Variants in SMC1B observed in about 807,000 individuals in gnomAD.
SMC1B encodes the protein structural maintenance of chromosomes 1B, also known as structural maintenance of chromosomes protein 1B.
In SMC1B, 60 loss-of-function variants were observed where a neutral mutation model predicts 157.9. The ratio of observed to expected loss-of-function variants is 0.38; its 90% CI spans 0.31 to 0.47. SMC1B has a LOEUF of 0.47. Ranked by LOEUF, SMC1B falls within the 20% of genes least tolerant of loss-of-function variation. The pLI, the probability that SMC1B is intolerant of heterozygous loss-of-function variation, is 0.99. For missense variants in SMC1B, 1,165 were observed against 1,426.2 expected (o/e 0.82, Z 2.95); for synonymous variants, 445 against 483.0 (o/e 0.92, Z 1.03).
intron 6 of SMC1B, 27 bp downstream of exon 6, chr22:45,399,068 G>C: frequency 1.3e-6 from 2 of 1,583,622 alleles, no homozygotes; most frequent in Non-Finnish European, 1.7e-6. Flanking sequence ...AGAAACACAA[G>C]ATTTCCCCTA....
chr22:45,359,429 C>A (rs140470108), intron 18 of SMC1B, among the ~76,000 whole-genome samples: 1 of 152,196 alleles, frequency 6.6e-6, no homozygotes, highest in Non-Finnish European at 1.5e-5. Context: ...CAGTAGGGCA[C>A]GTTTCTTCTG....
At chr22:45,389,647 T>C (rs2087033924) in intron 10 of SMC1B, 65 bp downstream of exon 10, 1 of 1,430,632 alleles carries the variant, frequency 7.0e-7, no homozygotes, top group South Asian at 1.3e-5. Context: ...TTTTAGGCAA[T>C]AAGATCATTC....
In SMC1B at chr22:45,354,253, C is replaced by G. The variant is rs548702717; in HGVS notation, c.3119-121G>C. 1.5e-4 allele frequency: 101 copies of G among 676,572 alleles called. No individual in the cohort carries two copies. The South Asian group carries it at 2.8e-3, about 19-fold the overall frequency. 41.9% of individuals were successfully genotyped at this position (676,572 alleles called of 1,614,324 possible). A position where few individuals can be genotyped will look rare whatever the true frequency, so the allele number is the denominator to read the frequency against. Reference sequence around the variant, plus strand: ...GTTTGGATCTCTTGAGTAAAGGTACCTTCAAAATACCTAAACTATTATTAA... The same window carrying G: ...GTTTGGATCTCTTGAGTAAAGGTACGTTCAAAATACCTAAACTATTATTAA... On this transcript the variant is annotated intron_variant, in intron 20 of 24. Transcript: ENST00000357450.
At chr22:45,369,157 C>T (rs1181452463) in intron 15 of SMC1B, among the ~76,000 whole-genome samples, 2 of 151,908 alleles carry the variant, frequency 1.3e-5, no homozygotes, top group Non-Finnish European at 2.9e-5. Flanking sequence ...AGTGCAGTGG[C>T]ACGATCTCGG....
Position 45,345,476 on chromosome 22 carries a change from T to A in SMC1B, c.3589A>T (p.Ile1197Phe). ...GTCTTTACCTCAGGATAGATGCCGA[T>A]CAGCGCGTCGGCTCTGGAATAGAAC... ...EEFYSRADALIGIYPEYDDCM... is the reference protein window; with the variant it reads ...EEFYSRADALFGIYPEYDDCM... Residue 1197 changes from isoleucine to phenylalanine, a missense_variant, in exon 24 of 25, where the codon ATC becomes TTC. Ile to Phe is a conservative substitution (Grantham distance 21). Transcript: ENST00000357450. 1 of 1,612,392 alleles carries A rather than the reference T, an allele frequency of 6.2e-7. No homozygotes were observed. The highest frequency in any genetic ancestry group is 8.5e-7 in the Non-Finnish European group (1 of 1,178,510).
intron 12 of SMC1B, among the ~76,000 whole-genome samples, chr22:45,374,166 T>C (rs1327589319): frequency 3.6e-5 from 5 of 138,390 alleles, no homozygotes; most frequent in East Asian, 2.2e-4. Context: ...TCTTGTGTAG[T>C]AAATTTAGTC....
chr22:45,348,074 C>G (rs2086570111), intron 23 of SMC1B, among the ~76,000 whole-genome samples: 1 of 152,206 alleles, frequency 6.6e-6, no homozygotes, highest in Admixed American at 6.5e-5. Flanking sequence ...TAGTCACTGT[C>G]AATTTGTTTG....
rs1273986100 is a variant in SMC1B, at chr22:45,361,902, G to C, written c.2645C>G (p.Ser882Cys). The change falls in exon 17 of 25, where the codon TCC becomes TGC. Residue 882 changes from serine (S) to cysteine (C), a missense_variant. Transcript: ENST00000357450. Reference protein sequence around the residue: ...QLKDIRVTQNSSAEKVQTQIE... With the variant: ...QLKDIRVTQNCSAEKVQTQIE... ...TTGAGTTTGAACTTTCTCGGCACTG[G>C]AGTTCTGAGTGACACGTATGTCCTT... The C allele has an allele frequency of 6.2e-7, 1 of 1,614,102 alleles. No individual in the cohort carries two copies. Among genetic ancestry groups the C allele is most frequent in the African/African-American group, 1.3e-5 (1 of 75,044 alleles).
At chr22:45,393,965 T>TAA in intron 8 of SMC1B, 124 bp from the exon 9 acceptor site, 2 of 645,796 alleles carry the variant, frequency 3.1e-6, no homozygotes, top group Non-Finnish European at 5.2e-6. Flanking sequence ...TTTTAAAGGG[T>TAA]AAAAAATGCA....
In SMC1B at chr22:45,383,606, GCTA is replaced by G. The variant is rs1363159888; in HGVS notation, c.1916_1918del (p.Val639del). 8.8e-6 allele frequency: 14 copies of G among 1,586,716 alleles called. No individual in the cohort carries two copies. The highest frequency in any genetic ancestry group is 9.4e-6 in the Non-Finnish European group (11 of 1,172,662). ...TTTTAAAAATAATGTTCCATCAAGAGCTACTGTCTGTAAAAGTAAAAATATTTT... is the reference window on the plus strand; with the variant it reads ...TTTTAAAAATAATGTTCCATCAAGAGCTGTCTGTAAAAGTAAAAATATTTT... On this transcript the variant is annotated inframe_deletion, in exon 12 of 25. Coordinates refer to ENST00000357450, the MANE Select transcript of SMC1B (RefSeq NM_148674.5).
rs57897383 is a variant in SMC1B at position 45,353,910 on chromosome 22, A to AC, written c.3273+67_3273+68insG. 608 of 696,950 alleles carry AC rather than the reference A, an allele frequency of 8.7e-4. 1 individual carries two copies. The African/African-American group carries it at 9.6e-3, about 11-fold the overall frequency. The allele number at this position is 696,950 out of a possible 1,614,324, so 43.2% of individuals were successfully genotyped here. A position where few individuals can be genotyped will look rare whatever the true frequency, so the allele number is the denominator to read the frequency against. ...TTTCCCACCAAAAAAAAAAAAAAAAAAAAAAAAAAACAACCACCACCGGTA... is the reference window on the plus strand; with the variant it reads ...TTTCCCACCAAAAAAAAAAAAAAAAACAAAAAAAAAACAACCACCACCGGTA... On this transcript the variant is annotated intron_variant, in intron 21 of 24. Transcript: ENST00000357450.
chr22:45,392,997 G>C (rs2087079536), intron 9 of SMC1B, among the ~76,000 whole-genome samples: 3 of 152,236 alleles, frequency 2.0e-5, no homozygotes, highest in South Asian at 4.1e-4. Context: ...CACTGCCCTG[G>C]CCGGTAGGTG....
intron 4 of SMC1B, among the ~76,000 whole-genome samples, chr22:45,404,099 G>A (rs1485534903): frequency 1.3e-5 from 2 of 152,078 alleles, no homozygotes; most frequent in Non-Finnish European, 2.9e-5. Context: ...GTGCCACCAC[G>A]CCCAGCTAAT....
chr22:45,406,114 C>A (rs563487611), intron 4 of SMC1B, among the ~76,000 whole-genome samples: 1 of 152,098 alleles, frequency 6.6e-6, no homozygotes. Flanking sequence ...ATAGATATAA[C>A]CCATATGAAC....
At chr22:45,393,947 C>G (rs1452011352) in intron 8 of SMC1B, 106 bp from the exon 9 acceptor site, 2 of 715,882 alleles carry the variant, frequency 2.8e-6, no homozygotes. Flanking sequence ...GAGCAGTGCT[C>G]TATCAATTTT....
At chr22:45,353,941 G>GAATTCTCA (rs2086643435) in intron 21 of SMC1B, 37 bp downstream of exon 21, 1 of 480,564 alleles carries the variant, frequency 2.1e-6, no homozygotes, top group African/African-American at 2.9e-5. Context: ...CGGTAACACA[G>GAATTCTCA]AATTCTCACT....
At position 45,397,914 on chromosome 22, in the gene SMC1B, C is replaced by T. The variant is rs186997567; in HGVS notation, c.1113+1181G>A. Among the ~76,000 whole-genome samples the T allele has an allele frequency of 5.5e-3, 830 of 152,272 alleles. 6 individuals carry two copies. Among genetic ancestry groups the T allele is most frequent in the African/African-American group, 0.019 (787 of 41,552 alleles). ...CTTCGATTGCCAGTGTAGCTTCATT[C>T]TTCTTAGACACAGGACAAGAACTGA... On this transcript the variant is annotated intron_variant, in intron 6 of 24. Transcript: ENST00000357450.
intron 2 of SMC1B, among the ~76,000 whole-genome samples, 191 bp downstream of exon 2, chr22:45,408,519 A>C (rs1329637684): frequency 6.6e-6 from 1 of 152,206 alleles, no homozygotes; most frequent in African/African-American, 2.4e-5. Context: ...AAAAGCAGAC[A>C]TAATTGGAGA....
intron 22 of SMC1B, among the ~76,000 whole-genome samples, chr22:45,350,383 T>C (rs1394258169): frequency 6.6e-6 from 1 of 152,284 alleles, no homozygotes; most frequent in Non-Finnish European, 1.5e-5. Flanking sequence ...GTTCAAGTGA[T>C]TCTCCTGCCT....
Sources: gnomAD v4.1 joint callset for allele counts (sites outside exome capture counted in the v4.1 genomes callset) on GRCh38, gnomAD v4.1.1 for gene constraint, MANE v1.5 for transcripts, NCBI Gene and HGNC (gene_info 2026-07-23, HGNC 2026-07-21) for gene names.